Variants in OSBPL5 observed in about 807,000 individuals in gnomAD.
OSBPL5 encodes the protein oxysterol-binding protein-related protein 5.
Under a neutral mutation model 111.2 loss-of-function variants are expected in OSBPL5, and 71 were observed. The observed-to-expected ratio is 0.64, with a 90% CI of 0.53 to 0.78. OSBPL5 has a LOEUF of 0.78. OSBPL5 is among the 30% of genes least tolerant of loss of function. The pLI is 0.00. For missense variants in OSBPL5, 1,210 were observed against 1,189.3 expected (o/e 1.02, Z -0.26); for synonymous variants, 549 against 513.9 (o/e 1.07, Z -0.93).
chr11:3,091,287 G>T (rs779629992), intron 19 of OSBPL5, among the ~76,000 whole-genome samples: 21 of 152,266 alleles, frequency 1.4e-4, no homozygotes, highest in Non-Finnish European at 2.8e-4. Context: ...GCAGAACCTG[G>T]CTGTGGGACC....
At chr11:3,103,110 G>T in intron 11 of OSBPL5, 129 bp downstream of exon 11, 1 of 752,872 alleles carries the variant, frequency 1.3e-6, no homozygotes, top group African/African-American at 1.8e-5. Flanking sequence ...CTGTGGGGGT[G>T]ACCAGGATCC....
At position 3,161,468 on chromosome 11, in the gene OSBPL5, A is replaced by C. The variant is rs144341807; in HGVS notation, c.-22+3748T>G. ...TGGGTGGGACTTGCTAGATGGGGGCAGCCAGTCTCAATCTACTGACCTCCC... is the reference window on the plus strand; with the variant it reads ...TGGGTGGGACTTGCTAGATGGGGGCCGCCAGTCTCAATCTACTGACCTCCC... On this transcript the variant is annotated intron_variant, in intron 1 of 21. Transcript: ENST00000263650. The surrounding 1 kb of genome is among the most constrained non-coding windows in gnomAD (Gnocchi z 8.0). 0.016 allele frequency: 2,393 copies of C among 152,392 alleles called. 24 individuals carry two copies. Among genetic ancestry groups the C allele is most frequent in the Non-Finnish European group, 0.021 (1,409 of 68,062 alleles). 9.4% of individuals were successfully genotyped at this position (152,392 alleles called of 1,614,324 possible). A position where few individuals can be genotyped will look rare whatever the true frequency, so the allele number is the denominator to read the frequency against.
chr11:3,124,183 G>A (rs1159661774), intron 3 of OSBPL5, among the ~76,000 whole-genome samples: 1 of 152,184 alleles, frequency 6.6e-6, no homozygotes, highest in Non-Finnish European at 1.5e-5. Flanking sequence ...ACCTGCCCAA[G>A]GTCACACAGC....
Position 3,103,785 on chromosome 11 carries a change from T to TCTTCCAGCTCTGCAGCC in OSBPL5, c.1244+407_1244+408insGGCTGCAGAGCTGGAAG, listed in dbSNP as rs1857567634. On this transcript the variant is annotated intron_variant, in intron 10 of 21. Transcript: ENST00000263650. The stretch of plus-strand genomic sequence containing the variant: ...TGCAGCCCCCTTCCAGCCTCTGCAG[T>TCTTCCAGCTCTGCAGCC]CCCTTCCTGCCTCTGCAGCCCTCTT... 7.3e-5 allele frequency among the ~76,000 whole-genome samples: 4 copies of TCTTCCAGCTCTGCAGCC among 55,000 alleles called. No individual in the cohort carries two copies. The South Asian group carries it at 2.5e-3, about 34-fold the overall frequency. The allele number at this position is 55,000 out of a possible 152,430, so 36.1% of individuals were successfully genotyped here.
intron 1 of OSBPL5, among the ~76,000 whole-genome samples, chr11:3,135,222 G>A (rs1845916952): frequency 6.6e-6 from 1 of 152,270 alleles, no homozygotes; most frequent in Non-Finnish European, 1.5e-5. Flanking sequence ...GCTGGGCAGG[G>A]CCGTGCTTCC....
chr11:3,110,335 A>C lies in OSBPL5; in HGVS notation c.692-2390T>G, dbSNP rs181721670. Among the ~76,000 whole-genome samples, 368 of 151,892 alleles carry C rather than the reference A, an allele frequency of 2.4e-3. 1 individual carries two copies. The highest frequency in any genetic ancestry group is 8.6e-3 in the African/African-American group (356 of 41,158). ...CGAGGTGGGGTAGGGCCCCAACCTC[A>C]GGTTAGAGGGAGGAACGGCCAAGAG... On this transcript the variant is annotated intron_variant, in intron 7 of 21. Transcript: ENST00000263650. This position sits in a 1 kb window ranked among gnomAD's most constrained non-coding sequence, Gnocchi z 5.3.
chr11:3,107,651 GT>G lies in OSBPL5; in HGVS notation c.866+119del, dbSNP rs1857754463. ...TCCCAGGGCACACTGCAGCGAACAA[GT>G]CCCTGCGTGCAGCCTGCAGCCCACC... On this transcript the variant is annotated intron_variant, in intron 8 of 21. Coordinates refer to ENST00000263650, the MANE Select transcript of OSBPL5 (RefSeq NM_020896.4). This position sits in a 1 kb window ranked among gnomAD's most constrained non-coding sequence, Gnocchi z 6.1. The G allele has an allele frequency of 7.0e-7, 1 of 1,423,328 alleles. No homozygotes were observed. Among genetic ancestry groups the G allele is most frequent in the African/African-American group, 1.4e-5 (1 of 71,214 alleles). 88.2% of individuals were successfully genotyped at this position (1,423,328 alleles called of 1,614,324 possible).
intron 1 of OSBPL5, among the ~76,000 whole-genome samples, chr11:3,135,500 C>G (rs1009906914): frequency 5.9e-5 from 9 of 152,296 alleles, no homozygotes; most frequent in Admixed American, 3.3e-4. Flanking sequence ...GATGCCCAGG[C>G]AGGCAGGGAT....
chr11:3,132,063 G>A (rs1279456909), intron 1 of OSBPL5, among the ~76,000 whole-genome samples: 1 of 131,130 alleles, frequency 7.6e-6, no homozygotes, highest in Non-Finnish European at 1.6e-5. Flanking sequence ...TCACCCACCT[G>A]CCACCCCTCT....
intron 7 of OSBPL5, among the ~76,000 whole-genome samples, chr11:3,111,156 A>G (rs1289045696): frequency 1.4e-5 from 1 of 70,344 alleles, no homozygotes; most frequent in Non-Finnish European, 3.1e-5. Flanking sequence ...CCCCACCCCC[A>G]CCCCCTGCCA....
At chr11:3,134,562 G>A (rs1009276733) in intron 1 of OSBPL5, among the ~76,000 whole-genome samples, 1 of 152,220 alleles carries the variant, frequency 6.6e-6, no homozygotes, top group African/African-American at 2.4e-5. Flanking sequence ...TGGGTGCCCT[G>A]CCCAGCCGCT....
At chr11:3,127,177 G>A (rs1269091082) in intron 2 of OSBPL5, among the ~76,000 whole-genome samples, 4 of 152,268 alleles carry the variant, frequency 2.6e-5, no homozygotes, top group Non-Finnish European at 5.9e-5. Flanking sequence ...GGAAGGAGGG[G>A]ATGGCTGCAG....
Position 3,141,204 on chromosome 11 carries a change from C to T in OSBPL5, c.-21-12035G>A, listed in dbSNP as rs1846102431. ...CCCCCCGCCCAGCAGACAGTATCGT[C>T]ATCATGTGTGATGCAGGGAGGGCAC... On this transcript the variant is annotated intron_variant, in intron 1 of 21. Transcript: ENST00000263650. This position sits in a 1 kb window ranked among gnomAD's most constrained non-coding sequence, Gnocchi z 6.5. 6.6e-6 allele frequency among the ~76,000 whole-genome samples: 1 copy of T among 152,192 alleles called. No individual in the cohort carries two copies. Among genetic ancestry groups the T allele is most frequent in the Non-Finnish European group, 1.5e-5 (1 of 68,030 alleles).
At chr11:3,103,461 C>A in intron 10 of OSBPL5, 141 bp from the exon 11 acceptor site, 1 of 679,580 alleles carries the variant, frequency 1.5e-6, no homozygotes, top group Non-Finnish European at 2.5e-6. Context: ...CTCTGGTCAC[C>A]CCCAAGCAGG....
At chr11:3,108,612 C>T (rs1857796728) in intron 7 of OSBPL5, among the ~76,000 whole-genome samples, 1 of 152,218 alleles carries the variant, frequency 6.6e-6, no homozygotes, top group Admixed American at 6.5e-5. Context: ...CTGTGCCCTG[C>T]TGCCTTCCTA....
At chr11:3,137,859 G>A (rs1845993207) in intron 1 of OSBPL5, among the ~76,000 whole-genome samples, 1 of 152,242 alleles carries the variant, frequency 6.6e-6, no homozygotes, top group Non-Finnish European at 1.5e-5. Context: ...CTAAGGTCTC[G>A]TGGGCCAGGC....
Position 3,129,086 on chromosome 11 carries a change from C to T in OSBPL5, c.63G>A (p.Gln21=). 1.3e-6 allele frequency: 2 copies of T among 1,564,304 alleles called. No homozygotes were observed. Among genetic ancestry groups the T allele is most frequent in the Non-Finnish European group, 1.7e-6 (2 of 1,156,330 alleles). The part of the protein sequence containing the change: ...FSLCPPSSTP[Q]KVDPRKLTRN... The stretch of plus-strand genomic sequence containing the variant: ...GGGTGAGCTTCCGGGGGTCGACTTT[C>T]TGAGGGGTGGAGGAAGGTGGACACA... The change falls in exon 2 of 22, where the codon CAG becomes CAA. Residue 21 remains glutamine, a synonymous_variant. Transcript: ENST00000263650.
At chr11:3,123,768 T>C (rs1382125417) in intron 3 of OSBPL5, among the ~76,000 whole-genome samples, 1 of 152,190 alleles carries the variant, frequency 6.6e-6, no homozygotes, top group South Asian at 2.1e-4. Context: ...CCTGTTCGGG[T>C]GCTGCCTGTA....
At chr11:3,088,797 G>A (rs1856960769) in intron 21 of OSBPL5, among the ~76,000 whole-genome samples, 1 of 152,180 alleles carries the variant, frequency 6.6e-6, no homozygotes, top group Admixed American at 6.5e-5. Flanking sequence ...ATGAAGAAGA[G>A]ATGAAGACAC....
Sources: gnomAD v4.1 joint callset for allele counts (sites outside exome capture counted in the v4.1 genomes callset) on GRCh38, gnomAD v4.1.1 for gene constraint, Gnocchi (gnomAD v3.1) non-coding constraint, MANE v1.5 for transcripts, NCBI Gene and HGNC (gene_info 2026-07-23, HGNC 2026-07-21) for gene names.